The following GPATCH8 variants were observed in gnomAD, a reference collection of about 807,000 sequenced individuals.
The protein encoded by GPATCH8 is G-patch domain containing 8, also known as G patch domain-containing protein 8.
GPATCH8 carries 18 observed loss-of-function variants against 118.3 expected under a neutral mutation model. The ratio of observed to expected loss-of-function variants is 0.15; its 90% confidence interval spans 0.11 to 0.23. GPATCH8 has a LOEUF of 0.23. GPATCH8 is among the 10% of genes least tolerant of loss of function. The pLI is 1.00. For missense variants in GPATCH8, 1,631 were observed against 1,873.8 expected (o/e 0.87, Z 2.39); for synonymous variants, 659 against 684.7 (o/e 0.96, Z 0.59).
intron 3 of GPATCH8, among the ~76,000 whole-genome samples, chr17:44,456,632 A>G (rs2051343234): frequency 6.6e-6 from 1 of 152,128 alleles, no homozygotes; most frequent in African/African-American, 2.4e-5. Flanking sequence ...AAAAAAAAAA[A>G]GTCTAATTTT....
At chr17:44,439,017 AT>A (rs1401050144) in intron 3 of GPATCH8, among the ~76,000 whole-genome samples, 2 of 152,154 alleles carry the variant, frequency 1.3e-5, no homozygotes, top group African/African-American at 2.4e-5. Flanking sequence ...TCATTTAACT[AT>A]TCATTCTCGT....
At chr17:44,467,538 T>C (rs1966898240) in intron 2 of GPATCH8, among the ~76,000 whole-genome samples, 2 of 152,160 alleles carry the variant, frequency 1.3e-5, no homozygotes, top group Non-Finnish European at 2.9e-5. Context: ...AACTTGCCAC[T>C]CTAAGTCCTT....
chr17:44,406,496 T>A (rs1174475014), intron 6 of GPATCH8, among the ~76,000 whole-genome samples: 2 of 21,070 alleles, frequency 9.5e-5, no homozygotes, highest in African/African-American at 1.7e-4. Flanking sequence ...ACAGCTTACA[T>A]GGGGGGGGGG....
At chr17:44,467,833 C>A (rs558026276) in intron 2 of GPATCH8, among the ~76,000 whole-genome samples, 1 of 152,100 alleles carries the variant, frequency 6.6e-6, no homozygotes, top group Non-Finnish European at 1.5e-5. Flanking sequence ...AGGAGGCACA[C>A]CAAAATAATT....
intron 1 of GPATCH8, among the ~76,000 whole-genome samples, chr17:44,476,723 T>C (rs1290817172): frequency 6.6e-6 from 1 of 152,200 alleles, no homozygotes; most frequent in African/African-American, 2.4e-5. Flanking sequence ...AAAGCAACTA[T>C]TCCTCAAGAT....
intron 4 of GPATCH8, among the ~76,000 whole-genome samples, chr17:44,435,875 A>G (rs2050492405): frequency 6.7e-6 from 1 of 150,150 alleles, no homozygotes; most frequent in Non-Finnish European, 1.5e-5. Context: ...CACAAAAATT[A>G]CCCGGGCATG....
intron 5 of GPATCH8, among the ~76,000 whole-genome samples, chr17:44,430,424 G>C (rs1314028820): frequency 4.0e-5 from 6 of 151,722 alleles, no homozygotes; most frequent in African/African-American, 1.5e-4. Flanking sequence ...AATATAAAAG[G>C]AAAAAACCCA....
At chr17:44,435,240 T>A (rs1391631171) in intron 4 of GPATCH8, 89 bp from the exon 5 acceptor site, 10 of 725,038 alleles carry the variant, frequency 1.4e-5, no homozygotes, top group Non-Finnish European at 2.3e-5. Context: ...TACAGTATTA[T>A]CTGAAAACAA....
intron 3 of GPATCH8, among the ~76,000 whole-genome samples, chr17:44,450,831 C>G (rs2051086395): frequency 6.6e-6 from 1 of 150,746 alleles, no homozygotes; most frequent in Admixed American, 6.6e-5. Context: ...CTCCATGTAT[C>G]TATCAGCAAG....
At position 44,398,817 on chromosome 17, in the gene GPATCH8, G is replaced by C; in HGVS notation, c.3260C>G (p.Ser1087Cys). ...EGDCSPEDKN[S>C]VTAKLLLEKI... ...CTCCAGTAGCAGTTTGGCAGTGACA[G>C]AGTTCTTGTCTTCAGGACTGCAGTC... The change falls in exon 8 of 8, where the codon TCT (serine) becomes TGT (cysteine). Residue 1087 changes from serine (S) to cysteine (C), a missense_variant. Around this residue, in one of 8 missense-constraint regions of GPATCH8, gnomAD observed 922 missense variants for 879.7 expected, o/e 1.05. Transcript: ENST00000591680. 4.3e-6 allele frequency: 7 copies of C among 1,614,058 alleles called. No homozygotes were observed. The highest frequency in any genetic ancestry group is 3.3e-4 in the Middle Eastern group (2 of 6,062).
In GPATCH8 at chr17:44,435,056, T is replaced by A; in HGVS notation, c.348+9A>T. The stretch of plus-strand genomic sequence containing the variant: ...CCCCATCTCCCAATGAATAGCTTTG[T>A]TTAAATACCTTGTACTTTTGTCTCA... On this transcript the variant is annotated intron_variant, in intron 5 of 7. Coordinates refer to ENST00000591680, the MANE Select transcript of GPATCH8 (RefSeq NM_001002909.4). The A allele has an allele frequency of 8.3e-7, 1 of 1,205,132 alleles. No individual in the cohort carries two copies. Among genetic ancestry groups the A allele is most frequent in the South Asian group, 1.2e-5 (1 of 82,730 alleles). The allele number at this position is 1,205,132 out of a possible 1,614,324, so 74.7% of individuals were successfully genotyped here.
Position 44,396,367 on chromosome 17 carries a change from A to C in GPATCH8, c.*1201T>G, listed in dbSNP as rs997056225. On this transcript the variant is annotated 3_prime_UTR_variant, in exon 8 of 8. Coordinates refer to ENST00000591680, the MANE Select transcript of GPATCH8 (RefSeq NM_001002909.4). ...TACATGAGGGAGACTGTTAAAGATG[A>C]GCATCCCTCAGAAGCCCCCAGCTGA... 4 of 454,414 alleles carry C rather than the reference A, an allele frequency of 8.8e-6. No homozygotes were observed. The highest frequency in any genetic ancestry group is 8.0e-5 in the African/African-American group (4 of 49,996). 28.1% of individuals were successfully genotyped at this position (454,414 alleles called of 1,614,324 possible).
At chr17:44,414,547 G>A (rs2049604784) in intron 6 of GPATCH8, among the ~76,000 whole-genome samples, 1 of 152,146 alleles carries the variant, frequency 6.6e-6, no homozygotes, top group Non-Finnish European at 1.5e-5. Flanking sequence ...GGGATCAAGG[G>A]ATCCTCCTGC....
At chr17:44,493,784 A>G (rs1969462309) in intron 1 of GPATCH8, among the ~76,000 whole-genome samples, 1 of 152,246 alleles carries the variant, frequency 6.6e-6, no homozygotes, top group Non-Finnish European at 1.5e-5. Context: ...TCAGTTCTGC[A>G]CTAGGCAAAA....
intron 6 of GPATCH8, among the ~76,000 whole-genome samples, chr17:44,408,429 C>T (rs1468060013): frequency 2.6e-5 from 4 of 151,826 alleles, no homozygotes; most frequent in South Asian, 2.1e-4. Flanking sequence ...TCAGGTGATC[C>T]GCCCGCCTCG....
chr17:44,502,023 T>C (rs1378844144), intron 1 of GPATCH8, among the ~76,000 whole-genome samples: 1 of 152,164 alleles, frequency 6.6e-6, no homozygotes, highest in Non-Finnish European at 1.5e-5. Flanking sequence ...TAGAACATCC[T>C]GAGACTCTCC....
chr17:44,457,842 GA>G, intron 3 of GPATCH8, among the ~76,000 whole-genome samples: 1 of 152,234 alleles, frequency 6.6e-6, no homozygotes, highest in Non-Finnish European at 1.5e-5. Flanking sequence ...AGCACTTTGG[GA>G]GGCCGAGGTG....
In GPATCH8 at chr17:44,435,108, T is replaced by A; in HGVS notation, c.305A>T (p.Glu102Val). 6.5e-7 allele frequency: 1 copy of A among 1,535,082 alleles called. No individual in the cohort carries two copies. Among genetic ancestry groups the A allele is most frequent in the Non-Finnish European group, 9.0e-7 (1 of 1,107,920 alleles). The part of the protein sequence containing the change: ...EDATERRRVL[E>V]VEKEDTEELR... ...CTCTTCTGTGTCTTCTTTTTCTACT[T>A]CTAGGACACGGCGCCGTTCGGTAGC... The change falls in exon 5 of 8, where the codon GAA (glutamate) becomes GTA (valine). Residue 102 changes from glutamate (E) to valine (V), a missense_variant. By Grantham distance (121) the Glu-to-Val change is moderately radical. Coordinates refer to ENST00000591680, the MANE Select transcript of GPATCH8 (RefSeq NM_001002909.4).
chr17:44,421,522 T>C (rs2049901756), intron 6 of GPATCH8, among the ~76,000 whole-genome samples: 1 of 151,794 alleles, frequency 6.6e-6, no homozygotes, highest in African/African-American at 2.4e-5. Context: ...CACACTACCA[T>C]GCCCAGCTAA....
Sources: gnomAD v4.1 joint callset for allele counts (sites outside exome capture counted in the v4.1 genomes callset) on GRCh38, gnomAD v4.1.1 for gene constraint, gnomAD v4.1.1 regional missense constraint, MANE v1.5 for transcripts, NCBI Gene and HGNC (gene_info 2026-07-23, HGNC 2026-07-21) for gene names.